Variants in ABCC3 observed in about 807,000 individuals in gnomAD.
ABCC3 encodes the protein ATP-binding cassette sub-family C member 3.
A neutral mutation model predicts 165.3 loss-of-function variants in ABCC3; 121 were observed. The observed-to-expected ratio is 0.73, with a 90% CI of 0.63 to 0.85. The LOEUF (loss-of-function observed/expected upper bound fraction) is 0.85, where lower values mean the gene tolerates loss of function less well. ABCC3 is among the 40% of genes least tolerant of loss of function. ABCC3 has a pLI of 0.00. For missense variants in ABCC3, 1,869 were observed against 1,964.1 expected (o/e 0.95, Z 0.92); for synonymous variants, 733 against 810.1 (o/e 0.90, Z 1.62).
At chr17:50,686,634 A>G (rs1425501818) in intron 29 of ABCC3, among the ~76,000 whole-genome samples, 2 of 151,990 alleles carry the variant, frequency 1.3e-5, no homozygotes, top group African/African-American at 2.4e-5. Flanking sequence ...CCCCCAGAGC[A>G]TGCCCCACCC....
intron 1 of ABCC3, among the ~76,000 whole-genome samples, chr17:50,639,767 C>CTT (rs140428476): frequency 7.6e-5 from 11 of 143,820 alleles, no homozygotes; most frequent in Admixed American, 2.8e-4. Context: ...TGGATTTCTC[C>CTT]TTTTTTTTTT....
chr17:50,636,421 G>C (rs1196740843), intron 1 of ABCC3, among the ~76,000 whole-genome samples: 2 of 151,936 alleles, frequency 1.3e-5, no homozygotes, highest in African/African-American at 4.8e-5. Flanking sequence ...TTTTCTGTGG[G>C]TGACCCAAAG....
chr17:50,682,345 T>TA (rs35507460), intron 26 of ABCC3, among the ~76,000 whole-genome samples: 16,978 of 131,438 alleles, frequency 0.13, 1,156 homozygotes, highest in African/African-American at 0.19. Context: ...CCAAGAGATT[T>TA]AAAAAAAAAA....
intron 1 of ABCC3, among the ~76,000 whole-genome samples, chr17:50,646,911 C>T (rs920429562): frequency 6.6e-6 from 1 of 152,116 alleles, no homozygotes; most frequent in African/African-American, 2.4e-5. Context: ...ACGGAGTCTC[C>T]CTCTGTCACC....
In ABCC3 at chr17:50,677,759, A is replaced by AC; in HGVS notation, c.3395dup (p.Ser1133IlefsTer39). On this transcript the variant is annotated frameshift_variant, in exon 24 of 31. Transcript: ENST00000285238. LOFTEE classifies it high-confidence loss of function. ...CCTCCATCAGCGCTTCTATGCAGCCACATCACGGCAACTGAAGCGGCTGGA... is the reference window on the plus strand; with the variant it reads ...CCTCCATCAGCGCTTCTATGCAGCCACCATCACGGCAACTGAAGCGGCTGGA... 6.2e-7 allele frequency: 1 copy of AC among 1,614,136 alleles called. No individual in the cohort carries two copies. The highest frequency in any genetic ancestry group is 1.1e-5 in the South Asian group (1 of 91,076).
chr17:50,658,707 T>A (rs962715979), intron 6 of ABCC3, among the ~76,000 whole-genome samples: 1 of 152,220 alleles, frequency 6.6e-6, no homozygotes, highest in African/African-American at 2.4e-5. Flanking sequence ...GCCCCCAGGC[T>A]ACAGGCCAGC....
intron 30 of ABCC3, among the ~76,000 whole-genome samples, chr17:50,688,725 A>AAAAAC (rs1194906280): frequency 2.0e-4 from 30 of 152,014 alleles, no homozygotes; most frequent in East Asian, 1.5e-3. Context: ...TGTCTCTACT[A>AAAAAC]AAAACAAAAC....
intron 1 of ABCC3, among the ~76,000 whole-genome samples, chr17:50,644,305 C>A (rs1344526556): frequency 4.1e-5 from 2 of 49,020 alleles, no homozygotes; most frequent in African/African-American, 1.3e-4. Context: ...AGCCAGACTC[C>A]GTCTCAAAAA....
At chr17:50,648,836 C>T (rs754494027) in intron 1 of ABCC3, among the ~76,000 whole-genome samples, 3 of 152,156 alleles carry the variant, frequency 2.0e-5, no homozygotes, top group Non-Finnish European at 2.9e-5. Flanking sequence ...CACCACAGGT[C>T]GGGTGCAGTG....
rs1567841107 is a variant in ABCC3 at position 50,691,110 on chromosome 17, A to G, written c.4494A>G (p.Lys1498=). 1.2e-6 allele frequency: 2 copies of G among 1,614,024 alleles called. No homozygotes were observed. Among genetic ancestry groups the G allele is most frequent in the Non-Finnish European group, 8.5e-7 (1 of 1,179,898 alleles). The part of the protein sequence containing the change: ...MDYTRVLVLD[K]GVVAEFDSPA... The stretch of plus-strand genomic sequence containing the variant: ...TGACTAGGGTCCTGGTCCTGGACAA[A>G]GGAGTAGTAGCTGAATTTGATTCTC... Residue 1498 remains lysine, a synonymous_variant, in exon 31 of 31, where the codon AAA becomes AAG. Transcript: ENST00000285238.
At chr17:50,675,518 A>G in intron 20 of ABCC3, 42 bp downstream of exon 20, 1 of 1,593,282 alleles carries the variant, frequency 6.3e-7, no homozygotes, top group South Asian at 1.1e-5. Flanking sequence ...AGGCTGTATC[A>G]GGCCTCCCCA....
intron 19 of ABCC3, among the ~76,000 whole-genome samples, chr17:50,673,980 C>CTTTCTTTCTTTCTTTTTCTT (rs1967725765): frequency 1.1e-4 from 1 of 9,414 alleles, no homozygotes; most frequent in African/African-American, 6.3e-4. Flanking sequence ...TTCTTTCTTT[C>CTTTCTTTCTTTCTTTTTCTT]TCTCTCTCTC....
At chr17:50,690,186 G>A (rs192149850) in intron 30 of ABCC3, among the ~76,000 whole-genome samples, 1 of 152,210 alleles carries the variant, frequency 6.6e-6, no homozygotes, top group Non-Finnish European at 1.5e-5. Context: ...AGGCTGGAGT[G>A]CGTGGGAGGG....
intron 19 of ABCC3, 34 bp from the exon 20 acceptor site, chr17:50,675,328 T>C (rs770545179): frequency 6.5e-7 from 1 of 1,536,240 alleles, no homozygotes; most frequent in South Asian, 1.2e-5. Flanking sequence ...GAGAACTAGC[T>C]GAACCCTATC....
At position 50,673,079 on chromosome 17, in the gene ABCC3, CAT is replaced by C. The variant is rs749313385; in HGVS notation, c.2351_2352del (p.His784ArgfsTer7). 2.5e-6 allele frequency: 4 copies of C among 1,614,142 alleles called. No homozygotes were observed. The highest frequency in any genetic ancestry group is 3.3e-5 in the Admixed American group (2 of 60,022). On this transcript the variant is annotated frameshift_variant, in exon 18 of 31. Transcript: ENST00000285238. LOFTEE classifies it high-confidence loss of function. ...TGACCCACTGTCCGCGGTGGACTCT[CAT>C]GTGGCCAAGCACATCTTTGACCACG... ...LDDPLSAVDS[H>X]VAKHIFDHVI...
At chr17:50,675,545 G>T (rs1967782908) in intron 20 of ABCC3, 69 bp downstream of exon 20, 2 of 1,578,844 alleles carry the variant, frequency 1.3e-6, no homozygotes, top group South Asian at 2.3e-5. Context: ...GCCAGATGGG[G>T]TGCAGGTTTC....
Position 50,642,583 on chromosome 17 carries a change from C to T in ABCC3, c.45+7602C>T, listed in dbSNP as rs140702878. Among the ~76,000 whole-genome samples the T allele has an allele frequency of 3.4e-3, 516 of 152,336 alleles. 1 individual carries two copies. The highest frequency in any genetic ancestry group is 0.01 in the Middle Eastern group (3 of 294). On this transcript the variant is annotated intron_variant, in intron 1 of 30. Coordinates refer to ENST00000285238, the MANE Select transcript of ABCC3 (RefSeq NM_003786.4). ...TGTTCATTCTCCCTCACCTTCTCCC[C>T]GCTGTGGGGAGGTGACCAGATGCTG...
In ABCC3 at chr17:50,665,186, T is replaced by G. The variant is rs765822884; in HGVS notation, c.1372T>G (p.Phe458Val). The change falls in exon 11 of 31, where the codon TTC (phenylalanine) becomes GTC (valine). Residue 458 changes from phenylalanine (F) to valine (V), a missense_variant. By Grantham distance (50) the Phe-to-Val change is conservative. Coordinates refer to ENST00000285238, the MANE Select transcript of ABCC3 (RefSeq NM_003786.4). ...LGPSVLAGVA[F>V]MVLLIPLNGA... ...TCCCTCTGTCCTGGCTGGAGTCGCT[T>G]TCATGGTCTTGCTGATTCCACTCAA... The G allele has an allele frequency of 1.1e-5, 18 of 1,613,552 alleles. No homozygotes were observed. Among genetic ancestry groups the G allele is most frequent in the Admixed American group, 1.7e-5 (1 of 59,988 alleles).
At chr17:50,664,158 A>G in intron 10 of ABCC3, 47 bp downstream of exon 10, 1 of 1,605,740 alleles carries the variant, frequency 6.2e-7, no homozygotes, top group Non-Finnish European at 8.5e-7. Flanking sequence ...GACATGCTGC[A>G]GAAGTGGCAA....
Sources: gnomAD v4.1 joint callset for allele counts (sites outside exome capture counted in the v4.1 genomes callset) on GRCh38, gnomAD v4.1.1 for gene constraint, MANE v1.5 for transcripts, NCBI Gene and HGNC (gene_info 2026-07-23, HGNC 2026-07-21) for gene names.